PBRM1: variants seen among roughly 807,000 people sequenced by gnomAD.
PBRM1 encodes polybromo 1.
Under a neutral mutation model 194.5 loss-of-function variants are expected in PBRM1, and 27 were observed. The ratio of observed to expected loss-of-function variants is 0.14; its 90% CI spans 0.10 to 0.19. The LOEUF is 0.19. Among genes scored for constraint, PBRM1 ranks in the 10% least tolerant of loss-of-function variants. The probability of loss-of-function intolerance (pLI) is 1.00; values close to 1 mark genes in which losing one functional copy is unlikely to be tolerated. For synonymous variants in PBRM1, 655 were observed against 693.2 expected, an observed-to-expected ratio of 0.94 and a Z score of 0.87; for missense variants, 1,466 against 2,077.2, an observed-to-expected ratio of 0.71 and a Z score of 5.72.
chr3:52,629,995 A>C (rs1027678837), intron 11 of PBRM1, among the ~76,000 whole-genome samples: 6 of 152,170 alleles, frequency 3.9e-5, no homozygotes, highest in Admixed American at 3.9e-4. Flanking sequence ...AGCAAACAAC[A>C]ACTAAGCACA....
At chr3:52,576,638 G>A (rs768004726) in exon 22 of PBRM1, 1 of 1,607,976 alleles carries the variant, frequency 6.2e-7, no homozygotes, top group South Asian at 1.1e-5. Flanking sequence ...TTTCTTCTGG[G>A]TGAATGAAGA....
chr3:52,572,664 T>C (rs2087819244), intron 22 of PBRM1, among the ~76,000 whole-genome samples: 1 of 152,158 alleles, frequency 6.6e-6, no homozygotes, highest in Admixed American at 6.6e-5. Flanking sequence ...GCGTGAGCCA[T>C]TGTGCCCAGC....
intron 22 of PBRM1, among the ~76,000 whole-genome samples, chr3:52,572,874 T>G (rs1276514101): frequency 6.6e-6 from 1 of 152,184 alleles, no homozygotes; most frequent in Non-Finnish European, 1.5e-5. Flanking sequence ...GTGGTTAGAG[T>G]TAATACAATG....
intron 20 of PBRM1, among the ~76,000 whole-genome samples, chr3:52,579,714 T>C (rs1339853982): frequency 1.3e-5 from 2 of 152,258 alleles, no homozygotes; most frequent in Non-Finnish European, 2.9e-5. Context: ...AAGTATCTAT[T>C]TGAAATTTCT....
intron 11 of PBRM1, 97 bp downstream of exon 12, chr3:52,634,505 C>A: frequency 2.6e-6 from 2 of 754,836 alleles, no homozygotes; most frequent in South Asian, 1.9e-5. Flanking sequence ...CCATTTTTAC[C>A]TTTAATATCC....
intron 2 of PBRM1, among the ~76,000 whole-genome samples, chr3:52,670,957 GTGTC>G (rs1265405039): frequency 2.0e-5 from 3 of 152,254 alleles, no homozygotes; most frequent in Admixed American, 6.5e-5. Context: ...GAGCTGAAGT[GTGTC>G]ATATCCAAGT....
intron 2 of PBRM1, among the ~76,000 whole-genome samples, chr3:52,670,148 A>G (rs2096918281): frequency 6.6e-6 from 1 of 152,214 alleles, no homozygotes; most frequent in African/African-American, 2.4e-5. Flanking sequence ...TGAGAATTCA[A>G]TGAGAACATG....
intron 3 of PBRM1, among the ~76,000 whole-genome samples, chr3:52,666,890 CAAAA>C (rs34218707): frequency 8.3e-5 from 10 of 120,786 alleles, no homozygotes; most frequent in Non-Finnish European, 7.0e-5. Context: ...GATCGTGTCT[CAAAA>C]AAAAAAAAAA....
intron 6 of PBRM1, among the ~76,000 whole-genome samples, chr3:52,649,956 C>T (rs1225634675): frequency 1.3e-5 from 2 of 152,102 alleles, no homozygotes; most frequent in African/African-American, 4.8e-5. Flanking sequence ...GATTAAAGAT[C>T]TGATTCAATT....
intron 17 of PBRM1, among the ~76,000 whole-genome samples, chr3:52,595,913 T>C (rs1410238631): frequency 6.6e-6 from 1 of 152,212 alleles, no homozygotes; most frequent in Admixed American, 6.5e-5. Flanking sequence ...TTCCCCAATG[T>C]ATATTCTTGG....
At chr3:52,604,995 T>C (rs893889490) in intron 16 of PBRM1, among the ~76,000 whole-genome samples, 2 of 105,182 alleles carry the variant, frequency 1.9e-5, no homozygotes, top group Non-Finnish European at 4.5e-5. Context: ...ATAAATAAAA[T>C]GTGGGGAGTG....
At position 52,561,747 on chromosome 3, in the gene PBRM1, T is replaced by A; in HGVS notation, c.4288+20A>T. On this transcript the variant is annotated intron_variant, in intron 25 of 29. Transcript: ENST00000296302. The stretch of plus-strand genomic sequence containing the variant: ...ACACCCCCTTGCTTCGAAAGACAGT[T>A]GTGCCTAGGCTCTATTTACCTTCAT... 1 of 1,607,778 alleles carries A rather than the reference T, an allele frequency of 6.2e-7. No homozygotes were observed. The highest frequency in any genetic ancestry group is 8.5e-7 in the Non-Finnish European group (1 of 1,175,064).
At chr3:52,638,941 C>T (rs961371532) in intron 10 of PBRM1, among the ~76,000 whole-genome samples, 1 of 125,376 alleles carries the variant, frequency 8.0e-6, no homozygotes, top group African/African-American at 3.1e-5. Context: ...ATCTGGTCAT[C>T]TAAATTTTTA....
chr3:52,579,338 C>T (rs939576687), intron 20 of PBRM1, 139 bp from the exon 23 acceptor site: 14 of 766,232 alleles, frequency 1.8e-5, no homozygotes, highest in African/African-American at 3.5e-5. Flanking sequence ...GTAATCCCAG[C>T]ATTTTGGGAG....
chr3:52,578,003 C>T (rs1444857538), intron 21 of PBRM1, among the ~76,000 whole-genome samples: 1 of 152,148 alleles, frequency 6.6e-6, no homozygotes, highest in African/African-American at 2.4e-5. Context: ...TCATTAATGG[C>T]TCACTCTCCT....
At chr3:52,622,760 C>T (rs1406407583) in intron 13 of PBRM1, among the ~76,000 whole-genome samples, 2 of 152,304 alleles carry the variant, frequency 1.3e-5, no homozygotes, top group South Asian at 4.1e-4. Context: ...ATGTTTCATG[C>T]CACAATGTAA....
intron 2 of PBRM1, among the ~76,000 whole-genome samples, chr3:52,674,479 CAAAAAAAAA>C (rs34865590): frequency 1.6e-5 from 1 of 61,344 alleles, no homozygotes; most frequent in Non-Finnish European, 3.5e-5. Context: ...AACTCCATCT[CAAAAAAAAA>C]AAAAAAAAAG....
chr3:52,564,524 G>A lies in PBRM1; in HGVS notation c.3692-291C>T, dbSNP rs13059862. The stretch of plus-strand genomic sequence containing the variant: ...GCTGGATGTTGTGGTGCATGCCTGT[G>A]GTCCCAGCTACTCGGGAGGCTGAGG... On this transcript the variant is annotated intron_variant, in intron 22 of 29. Transcript: ENST00000296302. Among the ~76,000 whole-genome samples the A allele has an allele frequency of 0.46, 68,905 of 151,402 alleles. 16,013 individuals are homozygous for A. Among genetic ancestry groups the A allele is most frequent in the African/African-American group, 0.52 (21,521 of 41,220 alleles).
At chr3:52,647,489 T>C (rs2096354520) in intron 7 of PBRM1, among the ~76,000 whole-genome samples, 1 of 122,472 alleles carries the variant, frequency 8.2e-6, no homozygotes, top group African/African-American at 3.1e-5. Flanking sequence ...TATATATATA[T>C]GTAGTATTTA....
Sources: gnomAD v4.1 joint callset for allele counts (sites outside exome capture counted in the v4.1 genomes callset) on GRCh38, gnomAD v4.1.1 for gene constraint, MANE v1.5 for transcripts, NCBI Gene and HGNC (gene_info 2026-07-23, HGNC 2026-07-21) for gene names.